Variants in ETFDH observed in about 807,000 individuals in gnomAD.
ETFDH encodes electron transfer flavoprotein dehydrogenase.
In ETFDH, 61 loss-of-function variants were observed where a neutral mutation model predicts 73.2. That is an observed-to-expected ratio of 0.83 (90% CI 0.68 to 1.03). The LOEUF is 1.03. ETFDH is among the 50% of genes least tolerant of loss of function. The probability of loss-of-function intolerance (pLI) is 0.00; values close to 1 mark genes in which losing one functional copy is unlikely to be tolerated. For synonymous variants in ETFDH, 243 were observed against 253.3 expected (o/e 0.96, Z 0.39); for missense variants, 685 against 745.0 (o/e 0.92, Z 0.94).
intron 1 of ETFDH, 146 bp from the exon 2 acceptor site, chr4:158,680,321 G>T: frequency 1.7e-6 from 1 of 601,362 alleles, no homozygotes; most frequent in South Asian, 2.1e-5. Context: ...TGCTTTATGA[G>T]AAAAAGCTAT....
rs140114522 is a variant in ETFDH, at chr4:158,675,954, A to G, written c.34+3464A>G. Among the ~76,000 whole-genome samples the G allele has an allele frequency of 1.9e-3, 295 of 152,286 alleles. 2 individuals carry two copies. Among genetic ancestry groups the G allele is most frequent in the Admixed American group, 2.8e-3 (43 of 15,286 alleles). The stretch of plus-strand genomic sequence containing the variant: ...CATTTTTGCATTCCCCCAGGAGTGT[A>G]TGAAGGTTCCAATTTTTCCACATCC... On this transcript the variant is annotated intron_variant, in intron 1 of 12. Coordinates refer to ENST00000511912, the MANE Select transcript of ETFDH (RefSeq NM_004453.4).
In ETFDH at chr4:158,699,094, A is replaced by C; in HGVS notation, c.1080A>C (p.Ala360=). The change falls in exon 9 of 13, where the codon GCA becomes GCC. Residue 360 remains alanine (A), a synonymous_variant. Coordinates refer to ENST00000511912, the MANE Select transcript of ETFDH (RefSeq NM_004453.4). ...CCTTGGAAGGTGGAAAAAGGATTGCATACGGAGCCAGAGCTCTCAATGAAG... is the reference window on the plus strand; with the variant it reads ...CCTTGGAAGGTGGAAAAAGGATTGCCTACGGAGCCAGAGCTCTCAATGAAG... ...RPTLEGGKRI[A]YGARALNEGG... 6.2e-7 allele frequency: 1 copy of C among 1,614,114 alleles called. No individual in the cohort carries two copies. The highest frequency in any genetic ancestry group is 8.5e-7 in the Non-Finnish European group (1 of 1,179,950).
At chr4:158,681,629 C>G (rs1331630521) in intron 2 of ETFDH, 2 of 156,102 alleles carry the variant, frequency 1.3e-5, no homozygotes, top group Non-Finnish European at 2.8e-5. Flanking sequence ...GTACCCTGTA[C>G]AGATATACCA....
At chr4:158,680,890 G>T (rs1184369519) in intron 2 of ETFDH, among the ~76,000 whole-genome samples, 1 of 152,026 alleles carries the variant, frequency 6.6e-6, no homozygotes, top group Non-Finnish European at 1.5e-5. Flanking sequence ...AATTATTTGT[G>T]GTGAGTCTGA....
At chr4:158,686,902 A>G (rs983360445) in intron 5 of ETFDH, among the ~76,000 whole-genome samples, 11 of 152,212 alleles carry the variant, frequency 7.2e-5, no homozygotes, top group Non-Finnish European at 1.5e-4. Flanking sequence ...GAGAAAAGGC[A>G]TACAGGTTTA....
At chr4:158,694,628 A>T (rs1229394571) in intron 6 of ETFDH, among the ~76,000 whole-genome samples, 1 of 152,080 alleles carries the variant, frequency 6.6e-6, no homozygotes, top group East Asian at 1.9e-4. Flanking sequence ...TTAAAAAATA[A>T]AATAGTTATC....
chr4:158,707,386 T>C (rs1774655677), intron 12 of ETFDH, among the ~76,000 whole-genome samples: 2 of 152,250 alleles, frequency 1.3e-5, no homozygotes, highest in South Asian at 2.1e-4. Context: ...ACTTGGTCTT[T>C]TGGCTTTTGT....
At chr4:158,690,600 G>C (rs971814170) in intron 6 of ETFDH, among the ~76,000 whole-genome samples, 175 bp downstream of exon 6, 1 of 152,104 alleles carries the variant, frequency 6.6e-6, no homozygotes, top group Non-Finnish European at 1.5e-5. Flanking sequence ...GATCACTTGA[G>C]CCCAGGAGTT....
At position 158,697,266 on chromosome 4, in the gene ETFDH, T is replaced by C. The variant is rs533735034; in HGVS notation, c.832-293T>C. Among the ~76,000 whole-genome samples the C allele has an allele frequency of 2.6e-5, 4 of 152,196 alleles. No individual in the cohort carries two copies. In the South Asian group the frequency reaches 8.3e-4, roughly 32 times the overall value. The stretch of plus-strand genomic sequence containing the variant: ...TCCGCCACCATGCCTAGCTAATTTT[T>C]GTAGTTTTAGTAGAGACAGGGTTTT... On this transcript the variant is annotated intron_variant, in intron 7 of 12. Transcript: ENST00000511912.
At chr4:158,699,627 G>C (rs1774406181) in intron 9 of ETFDH, among the ~76,000 whole-genome samples, 2 of 152,140 alleles carry the variant, frequency 1.3e-5, no homozygotes, top group South Asian at 4.1e-4. Flanking sequence ...TGGACATTTT[G>C]TTTGTTAGTT....
intron 1 of ETFDH, chr4:158,679,534 A>C (rs1295457593): frequency 6.6e-6 from 1 of 152,216 alleles, no homozygotes; most frequent in Non-Finnish European, 1.5e-5. Flanking sequence ...GGGCACAAAT[A>C]CAGATTATAT....
Position 158,708,645 on chromosome 4 carries a change from T to C in ETFDH, c.*118T>C. On this transcript the variant is annotated 3_prime_UTR_variant, in exon 13 of 13. Transcript: ENST00000511912. ...GAACAGAATAGTCACAAAATGATTA[T>C]CAAATAAAAATTTTATACTATATGT... The C allele has an allele frequency of 5.8e-6, 5 of 866,262 alleles. No individual in the cohort carries two copies. Among genetic ancestry groups the C allele is most frequent in the Middle Eastern group, 2.6e-4 (1 of 3,834 alleles). The allele number at this position is 866,262 out of a possible 1,614,324, so 53.7% of individuals were successfully genotyped here.
At chr4:158,700,376 T>C (rs941413252) in intron 9 of ETFDH, among the ~76,000 whole-genome samples, 1 of 152,144 alleles carries the variant, frequency 6.6e-6, no homozygotes, top group Admixed American at 6.6e-5. Flanking sequence ...TATTAAACTT[T>C]TAAAAATAAT....
At chr4:158,682,467 T>C (rs1350137613) in intron 3 of ETFDH, 43 bp downstream of exon 3, 3 of 1,450,114 alleles carry the variant, frequency 2.1e-6, no homozygotes, top group African/African-American at 1.4e-5. Context: ...TCTTTTGTAA[T>C]TGTATTTCAG....
At chr4:158,672,762 A>G (rs1773609208) in intron 1 of ETFDH, among the ~76,000 whole-genome samples, 1 of 151,964 alleles carries the variant, frequency 6.6e-6, no homozygotes, top group Non-Finnish European at 1.5e-5. Context: ...GTCAACACAC[A>G]CACACCTCGG....
intron 9 of ETFDH, among the ~76,000 whole-genome samples, chr4:158,702,941 T>G (rs995465157): frequency 6.6e-6 from 1 of 152,204 alleles, no homozygotes; most frequent in Admixed American, 6.5e-5. Context: ...CCACCAACAA[T>G]GTGTGAGTTT....
At chr4:158,707,126 CTATT>C (rs756520538) in intron 12 of ETFDH, among the ~76,000 whole-genome samples, 76 of 151,732 alleles carry the variant, frequency 5.0e-4, no homozygotes, top group East Asian at 1.9e-3. Context: ...GTTCATGTGA[CTATT>C]TAAAGTCATT....
chr4:158,692,525 A>G (rs1254643757), intron 6 of ETFDH, among the ~76,000 whole-genome samples: 1 of 151,914 alleles, frequency 6.6e-6, no homozygotes, highest in Non-Finnish European at 1.5e-5. Context: ...AAGGCCTAAG[A>G]AGCTGTTTTT....
At chr4:158,704,646 A>G (rs1056103870) in intron 10 of ETFDH, among the ~76,000 whole-genome samples, 7 of 152,164 alleles carry the variant, frequency 4.6e-5, no homozygotes, top group African/African-American at 1.7e-4. Flanking sequence ...TGCCACTTGG[A>G]TGAAAACTCC....
Sources: allele counts gnomAD v4.1 joint callset (sites outside exome capture counted in the v4.1 genomes callset), GRCh38; gene constraint gnomAD v4.1.1; transcripts MANE v1.5; gene names NCBI Gene and HGNC (gene_info 2026-07-23, HGNC 2026-07-21).